SLC25A35: variants seen among roughly 807,000 people sequenced by gnomAD.
SLC25A35 encodes the protein solute carrier family 25 member 35.
Under a neutral mutation model 30.5 loss-of-function variants are expected in SLC25A35, and 32 were observed. The ratio of observed to expected loss-of-function variants is 1.05; its 90% CI spans 0.79 to 1.41. SLC25A35 has a LOEUF of 1.41. Ranked by LOEUF, SLC25A35 falls within the 40% of genes most tolerant of loss-of-function variation. The pLI, the probability that SLC25A35 is intolerant of heterozygous loss-of-function variation, is 0.00. For synonymous variants in SLC25A35, 142 were observed against 158.1 expected (o/e 0.90, Z 0.77); for missense variants, 369 against 388.0 (o/e 0.95, Z 0.41).
chr17:8,289,428 AGT>A, downstream of SLC25A35: 1 of 1,613,932 alleles, frequency 6.2e-7, no homozygotes, highest in Non-Finnish European at 8.5e-7. Context: ...AGGGCCCGAG[AGT>A]GTGTAATGTC....
At chr17:8,289,058 C>T (rs746995613), downstream of SLC25A35, 10 of 1,613,700 alleles carry the variant, frequency 6.2e-6, no homozygotes, top group South Asian at 2.2e-5. Flanking sequence ...ACGTACGGGG[C>T]GAAGCGGCTG....
At chr17:8,293,931 T>TTTTTTTTTTTTTTTTG (rs1491485762) in intron 1 of SLC25A35, among the ~76,000 whole-genome samples, 4 of 126,832 alleles carry the variant, frequency 3.2e-5, no homozygotes, top group African/African-American at 1.2e-4. Context: ...TTTTTTTTTT[T>TTTTTTTTTTTTTTTTG]GTGAGACGTA....
rs1567659156 is a variant in SLC25A35 at position 8,290,504 on chromosome 17, G to A, written c.*1C>T. The A allele has an allele frequency of 6.5e-7, 1 of 1,535,854 alleles. No homozygotes were observed. The highest frequency in any genetic ancestry group is 1.7e-4 in the Middle Eastern group (1 of 5,946). On this transcript the variant is annotated 3_prime_UTR_variant, in exon 5 of 5. Coordinates refer to ENST00000577745, the MANE Select transcript of SLC25A35 (RefSeq NM_001320870.2). ...TTTGGTGGAGACTGGGAAAGCGGCTGTTATTTAGTGTCTGTGTAGTAGAGG... is the reference window on the plus strand; with the variant it reads ...TTTGGTGGAGACTGGGAAAGCGGCTATTATTTAGTGTCTGTGTAGTAGAGG...
intron 3 of SLC25A35, 24 bp downstream of exon 3, chr17:8,291,309 A>G: frequency 6.2e-7 from 1 of 1,612,564 alleles, no homozygotes; most frequent in Non-Finnish European, 8.5e-7. Flanking sequence ...CCCGAAACAG[A>G]CCCACCCATT....
downstream of SLC25A35, chr17:8,289,123 T>TGGGCG (rs753655214): frequency 6.2e-7 from 1 of 1,604,412 alleles, no homozygotes; most frequent in Admixed American, 1.7e-5. Flanking sequence ...GTCGGACCAG[T>TGGGCG]GGGCGGGGCC....
At chr17:8,289,381 T>G (rs745490925), downstream of SLC25A35, 1 of 1,613,962 alleles carries the variant, frequency 6.2e-7, no homozygotes, top group Non-Finnish European at 8.5e-7. Flanking sequence ...GGGTCCTCTC[T>G]GGCAAGCAGC....
Position 8,290,319 on chromosome 17 carries a change from A to T in SLC25A35, c.*186T>A. The T allele has an allele frequency of 7.0e-7, 1 of 1,432,110 alleles. No homozygotes were observed. Among genetic ancestry groups the T allele is most frequent in the East Asian group, 2.5e-5 (1 of 39,870 alleles). 88.7% of individuals were successfully genotyped at this position (1,432,110 alleles called of 1,614,324 possible). ...GGAATGGGTAGGGAAGGTTTAAAGC[A>T]ACACCCAAGGAAAGAAGGGAAACTC... On this transcript the variant is annotated 3_prime_UTR_variant, in exon 5 of 5. Transcript: ENST00000577745.
intron 1 of SLC25A35, among the ~76,000 whole-genome samples, chr17:8,293,591 G>T (rs1990651164): frequency 6.7e-6 from 1 of 148,258 alleles, no homozygotes; most frequent in Admixed American, 6.8e-5. Context: ...TCTCTCTCTG[G>T]CCCAGGCTGG....
chr17:8,289,844 A>T (rs1390339863), downstream of SLC25A35: 2 of 1,614,046 alleles, frequency 1.2e-6, no homozygotes, highest in Non-Finnish European at 1.7e-6. Flanking sequence ...TGGCCCCGAA[A>T]ATCTGTCACC....
rs1260576878 is a variant in SLC25A35, at chr17:8,290,568, G to A, written c.840C>T (p.His280=). ...IGASYFRLGP[H]TILSLFFWDQ... The stretch of plus-strand genomic sequence containing the variant: ...CCCAGAAGAAGAGGGAGAGGATGGT[G>A]TGGGGGCCGAGGCGGAAGTAGGAGG... Residue 280 remains histidine, a synonymous_variant, in exon 5 of 5, where the codon CAC becomes CAT. Transcript: ENST00000577745. The A allele has an allele frequency of 6.5e-7, 1 of 1,536,144 alleles. No homozygotes were observed. Among genetic ancestry groups the A allele is most frequent in the South Asian group, 1.2e-5 (1 of 84,074 alleles).
intron 2 of SLC25A35, 115 bp from the exon 3 acceptor site, chr17:8,291,600 A>C: frequency 5.0e-6 from 7 of 1,391,542 alleles, no homozygotes; most frequent in Non-Finnish European, 6.7e-6. Flanking sequence ...CAACCAGTTC[A>C]ATGTGGGCTT....
At chr17:8,289,127 C>T (rs1990274382), downstream of SLC25A35, 6 of 1,602,172 alleles carry the variant, frequency 3.7e-6, no homozygotes, top group Admixed American at 1.7e-5. Context: ...GACCAGTGGG[C>T]GGGGCCCGCG....
rs1267765282 is a variant in SLC25A35 at position 8,290,545 on chromosome 17, C to A, written c.863G>T (p.Trp288Leu). ...GTAGTAGAGGGAGCGCAGCTGGTCC[C>A]AGAAGAAGAGGGAGAGGATGGTGTG... ...GPHTILSLFF[W>L]DQLRSLYYTD... The change falls in exon 5 of 5, where the codon TGG becomes TTG. Residue 288 changes from tryptophan (W) to leucine (L), a missense_variant. Trp to Leu is a moderately conservative substitution (Grantham distance 61). Transcript: ENST00000577745. 1.3e-6 allele frequency: 2 copies of A among 1,536,038 alleles called. No individual in the cohort carries two copies. The highest frequency in any genetic ancestry group is 1.7e-6 in the Non-Finnish European group (2 of 1,146,872).
At position 8,291,395 on chromosome 17, in the gene SLC25A35, C is replaced by T. The variant is rs148456138; in HGVS notation, c.532G>A (p.Val178Ile). 1.7e-4 allele frequency: 270 copies of T among 1,614,118 alleles called. 2 individuals carry two copies. In the African/African-American group the frequency reaches 2.9e-3, roughly 18 times the overall value. ...GALGGLPRVIVGSSTQLCTFS... is the reference protein window; with the variant it reads ...GALGGLPRVIIGSSTQLCTFS... ...GTGCACAGCTGGGTGGAGGAACCGA[C>T]GATAACTCGGGGCAGGCCGCCCAGA... Residue 178 changes from valine to isoleucine, a missense_variant, in exon 3 of 5, where the codon GTC (valine) becomes ATC (isoleucine). By Grantham distance (29) the Val-to-Ile change is conservative. Transcript: ENST00000577745.
At chr17:8,288,565 C>A, downstream of SLC25A35, 1 of 620,640 alleles carries the variant, frequency 1.6e-6, no homozygotes. Flanking sequence ...CAGGCGCACT[C>A]CTAAGAGCGC....
chr17:8,289,054 G>T (rs750625803), downstream of SLC25A35: 18 of 1,613,628 alleles, frequency 1.1e-5, no homozygotes, highest in Admixed American at 1.8e-4. Flanking sequence ...GCCCACGTAC[G>T]GGGCGAAGCG....
chr17:8,287,960 C>A (rs1361347181), downstream of SLC25A35: 1 of 152,174 alleles, frequency 6.6e-6, no homozygotes, highest in African/African-American at 2.4e-5. Flanking sequence ...CCCTAATTCC[C>A]AGCAGCAGAT....
chr17:8,289,177 G>T, downstream of SLC25A35: 8 of 1,600,354 alleles, frequency 5.0e-6, no homozygotes, highest in South Asian at 1.1e-5. Flanking sequence ...CGCACGGGCC[G>T]GGAGCCAGGC....
At chr17:8,291,511 G>A in intron 2 of SLC25A35, 26 bp from the exon 3 acceptor site, 1 of 1,588,812 alleles carries the variant, frequency 6.3e-7, no homozygotes, top group South Asian at 1.1e-5. Context: ...CCGGGGGTGG[G>A]GTTCAGACAG....
Sources: gnomAD v4.1 joint callset for allele counts (sites outside exome capture counted in the v4.1 genomes callset) on GRCh38, gnomAD v4.1.1 for gene constraint, MANE v1.5 for transcripts, NCBI Gene and HGNC (gene_info 2026-07-23, HGNC 2026-07-21) for gene names.